MET: variants seen among roughly 807,000 people sequenced by gnomAD.
MET encodes the protein hepatocyte growth factor receptor.
MET carries 48 observed loss-of-function variants against 133.1 expected under a neutral mutation model. The ratio of observed to expected loss-of-function variants is 0.36; its 90% CI spans 0.29 to 0.46. The LOEUF is 0.46. Ranked by LOEUF, MET falls within the 20% of genes least tolerant of loss-of-function variation. MET has a pLI of 1.00. For synonymous variants in MET, 628 were observed against 616.5 expected, an observed-to-expected ratio of 1.02 and a Z score of -0.28; for missense variants, 1,442 against 1,695.9, an observed-to-expected ratio of 0.85 and a Z score of 2.63.
chr7:116,702,894 C>T (rs148164239), intron 2 of MET, among the ~76,000 whole-genome samples: 15 of 152,198 alleles, frequency 9.9e-5, no homozygotes, highest in Non-Finnish European at 1.3e-4. Context: ...GTGCCAGGGA[C>T]GGGCCTTTTA....
rs886061942 is a variant in MET at position 116,700,095 on chromosome 7, G to A, written c.1011G>A (p.Leu337=). 2 of 1,610,908 alleles carry A rather than the reference G, an allele frequency of 1.2e-6. No individual in the cohort carries two copies. Among genetic ancestry groups the A allele is most frequent in the Non-Finnish European group, 8.5e-7 (1 of 1,178,842 alleles). ...AQLARQIGAS[L]NDDILFGVFA... is the part of the protein sequence containing the mutation. ...TTGCTAGACAAATAGGAGCCAGCCTGAATGATGACATTCTTTTCGGGGTGT... is the reference window on the plus strand; with the variant it reads ...TTGCTAGACAAATAGGAGCCAGCCTAAATGATGACATTCTTTTCGGGGTGT... Residue 337 remains leucine, a synonymous_variant, in exon 2 of 21, where the codon CTG becomes CTA. Transcript: ENST00000397752.
At chr7:116,753,608 A>G (rs1289519995) in intron 5 of MET, among the ~76,000 whole-genome samples, 1 of 152,180 alleles carries the variant, frequency 6.6e-6, no homozygotes, top group East Asian at 1.9e-4. Flanking sequence ...AGGGGGAAAA[A>G]TTTAATCCTA....
rs750792697 is a variant in MET, at chr7:116,758,539, T to C, written c.2183T>C (p.Leu728Ser). The C allele has an allele frequency of 6.2e-7, 1 of 1,613,938 alleles. No individual in the cohort carries two copies. The highest frequency in any genetic ancestry group is 8.5e-7 in the Non-Finnish European group (1 of 1,179,910). Residue 728 changes from leucine to serine, a missense_variant, in exon 9 of 21, where the codon TTA becomes TCA. This residue lies in a region of MET where 514 missense variants were observed against 659.6 expected (regional missense o/e 0.78). Transcript: ENST00000397752. Reference protein sequence around the residue: ...TEFAVKLKIDLANRETSIFSY... With the variant: ...TEFAVKLKIDSANRETSIFSY... ...TTTGCTGTTAAATTGAAAATTGACT[T>C]AGCCAACCGAGAGACAAGCATCTTC...
chr7:116,745,669 A>G (rs906888167), intron 5 of MET, among the ~76,000 whole-genome samples: 7 of 152,260 alleles, frequency 4.6e-5, no homozygotes, highest in Non-Finnish European at 7.3e-5. Context: ...GACAAAAACA[A>G]GGTATGGGGA....
chr7:116,694,838 C>CTAA (rs1268119349), intron 1 of MET, among the ~76,000 whole-genome samples: 182 of 152,248 alleles, frequency 1.2e-3, no homozygotes, highest in Non-Finnish European at 2.0e-3. Flanking sequence ...AGGCATGCGC[C>CTAA]ACCACACCCA....
At chr7:116,677,302 C>A (rs1796196872) in intron 1 of MET, among the ~76,000 whole-genome samples, 1 of 152,184 alleles carries the variant, frequency 6.6e-6, no homozygotes, top group South Asian at 2.1e-4. Context: ...TAAGTCACTG[C>A]ATTGGATTTT....
At chr7:116,757,065 C>A (rs879377675) in intron 6 of MET, among the ~76,000 whole-genome samples, 6 of 149,918 alleles carry the variant, frequency 4.0e-5, no homozygotes, top group Non-Finnish European at 7.4e-5. Flanking sequence ...TCCATCTCTA[C>A]CAAAAAAAAA....
At chr7:116,697,285 C>T (rs1307253611) in intron 1 of MET, among the ~76,000 whole-genome samples, 2 of 152,134 alleles carry the variant, frequency 1.3e-5, no homozygotes, top group Middle Eastern at 3.4e-3. Flanking sequence ...TTATTCATTC[C>T]TTCTATCCTT....
At chr7:116,790,843 G>A (rs924933913) in intron 19 of MET, among the ~76,000 whole-genome samples, 11 of 152,156 alleles carry the variant, frequency 7.2e-5, no homozygotes, top group African/African-American at 2.7e-4. Flanking sequence ...TTGGGAGGCC[G>A]AGGAGGGCAG....
Position 116,672,455 on chromosome 7 carries a change from G to C in MET, c.-137G>C, listed in dbSNP as rs1196149751. 7 of 397,520 alleles carry C rather than the reference G, an allele frequency of 1.8e-5. No individual in the cohort carries two copies. Among genetic ancestry groups the C allele is most frequent in the Non-Finnish European group, 4.4e-6 (1 of 225,482 alleles). 24.6% of individuals were successfully genotyped at this position (397,520 alleles called of 1,614,324 possible). A position where few individuals can be genotyped will look rare whatever the true frequency, so the allele number is the denominator to read the frequency against. On this transcript the variant is annotated 5_prime_UTR_variant, in exon 1 of 21. Transcript: ENST00000397752. ...GCGCTTTGTGAGCAGATGCGGAGCC[G>C]AGTGGAGGGCGCGAGCCAGATGCGG... is the stretch of plus-strand genomic sequence containing the variant.
intron 5 of MET, among the ~76,000 whole-genome samples, chr7:116,743,374 C>G (rs535010118): frequency 6.6e-6 from 1 of 152,258 alleles, no homozygotes; most frequent in South Asian, 2.1e-4. Flanking sequence ...GCCAGCAAGA[C>G]AGAACCATTC....
chr7:116,756,476 A>G (rs1349631995), intron 6 of MET, among the ~76,000 whole-genome samples: 2 of 152,166 alleles, frequency 1.3e-5, no homozygotes, highest in Non-Finnish European at 2.9e-5. Context: ...GAATGGCAAA[A>G]CAAATTTTTT....
chr7:116,753,468 CACTT>C (rs1324705743), intron 5 of MET, among the ~76,000 whole-genome samples: 1 of 152,190 alleles, frequency 6.6e-6, no homozygotes, highest in African/African-American at 2.4e-5. Flanking sequence ...TTATCTTACA[CACTT>C]TATAGGTGCC....
chr7:116,747,027 A>G (rs1400902854), intron 5 of MET, among the ~76,000 whole-genome samples: 2 of 152,198 alleles, frequency 1.3e-5, no homozygotes, highest in Non-Finnish European at 2.9e-5. Context: ...AGAATTTCAT[A>G]TCCAGCCAAA....
chr7:116,687,125 C>A (rs1796590689), intron 1 of MET, among the ~76,000 whole-genome samples: 1 of 152,196 alleles, frequency 6.6e-6, no homozygotes, highest in Non-Finnish European at 1.5e-5. Context: ...CTTGCCCTCT[C>A]TTCTCTCTTC....
chr7:116,700,314 C>A (rs1210682948), intron 2 of MET, 30 bp downstream of exon 2: 1 of 1,590,398 alleles, frequency 6.3e-7, no homozygotes, highest in African/African-American at 1.3e-5. Context: ...CACTTATAAA[C>A]TGTGAGGTAT....
At chr7:116,683,675 GTCCTCATTCTAATCACCAGTGCCC>G (rs1796442246) in intron 1 of MET, among the ~76,000 whole-genome samples, 1 of 152,146 alleles carries the variant, frequency 6.6e-6, no homozygotes, top group Admixed American at 6.5e-5. Context: ...CCAAGAAAGT[GTCCTCATTCTAATCACCAGTGCCC>G]TCCTCATGGC....
chr7:116,757,800 A>G, intron 8 of MET, 26 bp downstream of exon 8: 1 of 1,609,574 alleles, frequency 6.2e-7, no homozygotes, highest in South Asian at 1.1e-5. Flanking sequence ...TTTTTGTTGC[A>G]TCTGTCAATT....
chr7:116,704,917 C>G (rs1397481642), intron 2 of MET, among the ~76,000 whole-genome samples: 1 of 152,020 alleles, frequency 6.6e-6, no homozygotes, highest in Non-Finnish European at 1.5e-5. Flanking sequence ...TTTTAAATAT[C>G]ATTTATACTC....
Sources: allele counts gnomAD v4.1 joint callset (sites outside exome capture counted in the v4.1 genomes callset), GRCh38; gene constraint gnomAD v4.1.1; regional missense constraint gnomAD v4.1.1; transcripts MANE v1.5; gene names NCBI Gene and HGNC (gene_info 2026-07-23, HGNC 2026-07-21).